PRR23D1: variants seen among roughly 807,000 people sequenced by gnomAD.
PRR23D1 encodes the protein proline-rich protein 23D1.
rs1812743809 is a variant in PRR23D1, at chr8:7,541,020, G to GT, written c.207+2dup. The GT allele has an allele frequency of 6.9e-7, 1 of 1,439,294 alleles. No homozygotes were observed. Among genetic ancestry groups the GT allele is most frequent in the Non-Finnish European group, 9.4e-7 (1 of 1,059,716 alleles). The allele number at this position is 1,439,294 out of a possible 1,614,324, so 89.2% of individuals were successfully genotyped here. A position where few individuals can be genotyped will look rare whatever the true frequency, so the allele number is the denominator to read the frequency against. On this transcript the variant is annotated splice_donor_variant, in intron 3 of 3. Transcript: ENST00000533250. LOFTEE classifies it high-confidence loss of function. ...ATACCAGTCCCTGGAACTTCCCCAG[G>GT]TAAGTTCCTGTGTCCTTGCATAGCA...
At chr8:7,541,101 AT>A in intron 3 of PRR23D1, 82 bp downstream of exon 3, 1 of 1,198,836 alleles carries the variant, frequency 8.3e-7, no homozygotes, top group Non-Finnish European at 1.2e-6. Flanking sequence ...GTGGATGTAT[AT>A]TTAGGTGGAT....
At chr8:7,541,076 T>C (rs1382784992) in intron 3 of PRR23D1, 57 bp downstream of exon 3, 1 of 1,434,032 alleles carries the variant, frequency 7.0e-7, no homozygotes, top group African/African-American at 1.4e-5. Context: ...AATCTTCAGG[T>C]TCAAGGGACA....
chr8:7,536,788 CTTT>C (rs1415883196), upstream of PRR23D1, among the ~76,000 whole-genome samples: 2 of 148,564 alleles, frequency 1.3e-5, no homozygotes, highest in South Asian at 4.3e-4. Flanking sequence ...GACTTTGCTT[CTTT>C]ATTTCCACCC....
chr8:7,536,909 A>G (rs1489043130), upstream of PRR23D1, among the ~76,000 whole-genome samples: 3 of 136,442 alleles, frequency 2.2e-5, no homozygotes, highest in East Asian at 4.1e-4. Flanking sequence ...ATACAGACGC[A>G]GGTCAACCGC....
chr8:7,538,866 A>G (rs1401292164), upstream of PRR23D1, among the ~76,000 whole-genome samples: 1 of 151,682 alleles, frequency 6.6e-6, no homozygotes, highest in Non-Finnish European at 1.5e-5. Flanking sequence ...GTCTTATAGT[A>G]TTCGCTTCTT....
chr8:7,538,516 TCA>T (rs1205331382), upstream of PRR23D1, among the ~76,000 whole-genome samples: 153 of 96,902 alleles, frequency 1.6e-3, no homozygotes, highest in African/African-American at 5.3e-3. Context: ...TGGTGCACCC[TCA>T]CAGATTTTCC....
At chr8:7,539,946 A>ATG in intron 1 of PRR23D1, 65 bp downstream of exon 1, 2 of 498 alleles carry the variant, frequency 4.0e-3, no homozygotes, top group Admixed American at 0.01. Context: ...GTGTGACTGT[A>ATG]TGTGTGTGTG....
At position 7,541,243 on chromosome 8, in the gene PRR23D1, C is replaced by CAG; in HGVS notation, c.208-4_208-3insGA. On this transcript the variant is annotated splice_polypyrimidine_tract_variant and splice_region_variant and intron_variant, in intron 3 of 3. Coordinates refer to ENST00000533250, the MANE Select transcript of PRR23D1 (RefSeq NM_001282479.1). ...GGCAGAATACTGAGGACTGTCTTTC[C>CAG]ACAGAATCAGCAGGATTCTGGCACT... 1 of 556,278 alleles carries CAG rather than the reference C, an allele frequency of 1.8e-6. No homozygotes were observed. 34.5% of individuals were successfully genotyped at this position (556,278 alleles called of 1,614,324 possible).
At chr8:7,536,836 A>G (rs1812656421), upstream of PRR23D1, among the ~76,000 whole-genome samples, 1 of 148,332 alleles carries the variant, frequency 6.7e-6, no homozygotes. Context: ...GAAAAAAGAT[A>G]CCGTGCTCCA....
chr8:7,541,534 CT>C lies in PRR23D1; in HGVS notation c.499del (p.Ser167HisfsTer16). On this transcript the variant is annotated frameshift_variant, in exon 4 of 4. Coordinates refer to ENST00000533250, the MANE Select transcript of PRR23D1 (RefSeq NM_001282479.1). LOFTEE classifies it high-confidence loss of function. ...TCAGACATGAGAAGAGAGAATGTGC[CT>C]TTTTCACCTGCAGAAGAAGGGAAGG... ...DISDMRRENV[P>X]FSPAEEGKAA... 2 of 326,512 alleles carry C rather than the reference CT, an allele frequency of 6.1e-6. No individual in the cohort carries two copies. The highest frequency in any genetic ancestry group is 2.5e-5 in the South Asian group (1 of 40,536). 20.2% of individuals were successfully genotyped at this position (326,512 alleles called of 1,614,324 possible). A position where few individuals can be genotyped will look rare whatever the true frequency, so the allele number is the denominator to read the frequency against.
chr8:7,536,919 C>T (rs1812658942), upstream of PRR23D1, among the ~76,000 whole-genome samples: 4 of 133,194 alleles, frequency 3.0e-5, no homozygotes, highest in South Asian at 9.7e-4. Context: ...AGGTCAACCG[C>T]TAAACAGTGA....
At chr8:7,537,062 T>C (rs1373014095), upstream of PRR23D1, among the ~76,000 whole-genome samples, 2 of 112,798 alleles carry the variant, frequency 1.8e-5, no homozygotes, top group East Asian at 2.3e-4. Flanking sequence ...GGAACTTCCC[T>C]TCCTCAGGCC....
At position 7,540,726 on chromosome 8, in the gene PRR23D1, AT is replaced by A; in HGVS notation, c.139+26del. On this transcript the variant is annotated intron_variant, in intron 2 of 3. Transcript: ENST00000533250. ...GTACAGGTAAGGCACTTTCCCTAAT[AT>A]TTTTTAAGATTCCCATGCCTGGAAG... 2 of 508,420 alleles carry A rather than the reference AT, an allele frequency of 3.9e-6. No individual in the cohort carries two copies. The highest frequency in any genetic ancestry group is 6.8e-6 in the Non-Finnish European group (2 of 294,528). 31.5% of individuals were successfully genotyped at this position (508,420 alleles called of 1,614,324 possible). A position where few individuals can be genotyped will look rare whatever the true frequency, so the allele number is the denominator to read the frequency against.
At chr8:7,536,877 T>A (rs1302003761), upstream of PRR23D1, among the ~76,000 whole-genome samples, 3 of 143,062 alleles carry the variant, frequency 2.1e-5, no homozygotes, top group Middle Eastern at 3.4e-3. Flanking sequence ...AGGAAGGTAC[T>A]GATAAAACCG....
chr8:7,538,580 CTAT>C (rs1812690348), upstream of PRR23D1, among the ~76,000 whole-genome samples: 1 of 126,692 alleles, frequency 7.9e-6, no homozygotes, highest in African/African-American at 2.9e-5. Context: ...CCAATACCAT[CTAT>C]TATTCTTTAT....
upstream of PRR23D1, among the ~76,000 whole-genome samples, chr8:7,536,865 A>G: frequency 6.9e-6 from 1 of 145,508 alleles, no homozygotes; most frequent in Non-Finnish European, 1.5e-5. Flanking sequence ...TGATCTTCCA[A>G]AAGGAAGGTA....
At chr8:7,536,822 AAAAG>A (rs1812656068), upstream of PRR23D1, among the ~76,000 whole-genome samples, 1 of 149,016 alleles carries the variant, frequency 6.7e-6, no homozygotes, top group Non-Finnish European at 1.5e-5. Flanking sequence ...AAAAAAAAGA[AAAAG>A]AAAAAAGATA....
upstream of PRR23D1, among the ~76,000 whole-genome samples, chr8:7,538,677 A>C (rs1812695338): frequency 2.1e-5 from 3 of 145,862 alleles, 1 homozygote; most frequent in Middle Eastern, 0.011. Flanking sequence ...AGTTTAGGTG[A>C]CTTTGCCAAT....
At chr8:7,536,817 A>G (rs1254543325), upstream of PRR23D1, among the ~76,000 whole-genome samples, 1 of 149,056 alleles carries the variant, frequency 6.7e-6, no homozygotes, top group East Asian at 1.9e-4. Flanking sequence ...CATAAAAAAA[A>G]AAGAAAAAGA....
Sources: gnomAD v4.1 joint callset for allele counts (sites outside exome capture counted in the v4.1 genomes callset) on GRCh38, gnomAD v4.1.1 for gene constraint, MANE v1.5 for transcripts, NCBI Gene and HGNC (gene_info 2026-07-23, HGNC 2026-07-21) for gene names.